COLGALT2: variants seen among roughly 807,000 people sequenced by gnomAD.
The protein encoded by COLGALT2 is collagen beta(1-O)galactosyltransferase 2.
Under a neutral mutation model 73.4 loss-of-function variants are expected in COLGALT2, and 49 were observed. The ratio of observed to expected loss-of-function variants is 0.67; its 90% CI spans 0.53 to 0.85. The LOEUF is 0.85. Among genes scored for constraint, COLGALT2 ranks in the 40% least tolerant of loss-of-function variants. COLGALT2 has a pLI of 0.00. For synonymous variants in COLGALT2, 295 were observed against 307.6 expected (o/e 0.96, Z 0.43); for missense variants, 722 against 790.2 (o/e 0.91, Z 1.03).
In COLGALT2 at chr1:183,936,230, A is replaced by G; in HGVS notation, c.*2531T>C. ...GCAAAGGTCAAATGTCAAAGGTCAA[A>G]TGTCTTGGCTTAGGACTATAAGGGA... On this transcript the variant is annotated 3_prime_UTR_variant, in exon 12 of 12. Coordinates refer to ENST00000361927, the MANE Select transcript of COLGALT2 (RefSeq NM_015101.4). 2 of 985,658 alleles carry G rather than the reference A, an allele frequency of 2.0e-6. No individual in the cohort carries two copies. The highest frequency in any genetic ancestry group is 4.7e-5 in the South Asian group (1 of 21,294). 61.1% of individuals were successfully genotyped at this position (985,658 alleles called of 1,614,324 possible). A position where few individuals can be genotyped will look rare whatever the true frequency, so the allele number is the denominator to read the frequency against.
intron 8 of COLGALT2, 191 bp from the exon 9 acceptor site, chr1:183,945,755 G>A (rs2102791820): frequency 1.6e-6 from 1 of 622,936 alleles, no homozygotes; most frequent in South Asian, 2.1e-5. Flanking sequence ...GGGAAGACAA[G>A]AGGGTATCAT....
rs75104731 is a variant in COLGALT2 at position 183,969,117 on chromosome 1, T to C, written c.832+152A>G. The C allele has an allele frequency of 7.1e-3, 4,020 of 566,950 alleles. 117 individuals are homozygous for C. The highest frequency in any genetic ancestry group is 0.067 in the African/African-American group (3,450 of 51,358). 35.1% of individuals were successfully genotyped at this position (566,950 alleles called of 1,614,324 possible). On this transcript the variant is annotated intron_variant, in intron 5 of 11. Coordinates refer to ENST00000361927, the MANE Select transcript of COLGALT2 (RefSeq NM_015101.4). ...ATTGGTGCTCCCAGGGACAGCAACA[T>C]AGAGGGTGCTGGTATGGTTATTGCA...
At chr1:184,011,754 A>G (rs1648805815) in intron 1 of COLGALT2, among the ~76,000 whole-genome samples, 1 of 152,184 alleles carries the variant, frequency 6.6e-6, no homozygotes, top group Non-Finnish European at 1.5e-5. Flanking sequence ...TGTAAACCCT[A>G]TATGTAAAAC....
intron 1 of COLGALT2, among the ~76,000 whole-genome samples, chr1:184,035,260 A>T (rs1649637020): frequency 6.6e-6 from 1 of 152,222 alleles, no homozygotes; most frequent in Admixed American, 6.5e-5. Context: ...AATTTTTGAA[A>T]TCATTTATTC....
intron 1 of COLGALT2, among the ~76,000 whole-genome samples, chr1:184,010,181 C>T (rs578088051): frequency 5.9e-5 from 9 of 152,254 alleles, no homozygotes; most frequent in East Asian, 3.9e-4. Flanking sequence ...CTACATACCC[C>T]GACTCAAGGT....
At chr1:184,013,229 T>G (rs1473752308) in intron 1 of COLGALT2, among the ~76,000 whole-genome samples, 1 of 152,088 alleles carries the variant, frequency 6.6e-6, no homozygotes, top group African/African-American at 2.4e-5. Context: ...GCAGGAGAAT[T>G]ACTTGAACCT....
At chr1:184,010,558 G>C (rs1672206875) in intron 1 of COLGALT2, among the ~76,000 whole-genome samples, 1 of 152,164 alleles carries the variant, frequency 6.6e-6, no homozygotes, top group South Asian at 2.1e-4. Flanking sequence ...GAAATGATGA[G>C]ATTTTTTTCC....
rs2102867152 is a variant in COLGALT2, at chr1:184,037,167, G to T, written c.191C>A (p.Ala64Glu). ...TVLVAVLARN[A>E]AHTLPHFLGC... The stretch of plus-strand genomic sequence containing the variant: ...GAGGAAGTGCGGCAGCGTGTGCGCC[G>T]CGTTGCGGGCGAGGACCGCCACGAG... Residue 64 changes from alanine (A) to glutamate (E), a missense_variant, in exon 1 of 12, where the codon GCG (alanine) becomes GAG (glutamate). Transcript: ENST00000361927. 1 of 1,603,448 alleles carries T rather than the reference G, an allele frequency of 6.2e-7. No homozygotes were observed.
intron 1 of COLGALT2, among the ~76,000 whole-genome samples, chr1:184,036,116 G>C (rs1375587810): frequency 6.6e-6 from 1 of 152,160 alleles, no homozygotes; most frequent in Non-Finnish European, 1.5e-5. Context: ...CAGGGGGCCA[G>C]AGTCTTCTTG....
At chr1:183,944,069 GA>G (rs1670183832) in intron 10 of COLGALT2, 126 bp downstream of exon 10, 1 of 1,142,844 alleles carries the variant, frequency 8.8e-7, no homozygotes, top group African/African-American at 1.6e-5. Flanking sequence ...AACATTTATG[GA>G]AAGAAAACTA....
At chr1:183,944,777 G>A (rs570068552) in intron 9 of COLGALT2, among the ~76,000 whole-genome samples, 32 of 152,212 alleles carry the variant, frequency 2.1e-4, no homozygotes, top group African/African-American at 7.7e-4. Context: ...AAATTTCCCT[G>A]AGCTGTATCT....
In COLGALT2 at chr1:184,037,660, A is replaced by G; in HGVS notation, c.-303T>C. 1 of 1,031,242 alleles carries G rather than the reference A, an allele frequency of 9.7e-7. No individual in the cohort carries two copies. The highest frequency in any genetic ancestry group is 1.2e-6 in the Non-Finnish European group (1 of 860,262). The allele number at this position is 1,031,242 out of a possible 1,614,324, so 63.9% of individuals were successfully genotyped here. On this transcript the variant is annotated 5_prime_UTR_variant, in exon 1 of 12. Coordinates refer to ENST00000361927, the MANE Select transcript of COLGALT2 (RefSeq NM_015101.4). ...GGGCTGTGTGCCCTGAGTCCTGAGG[A>G]AAGTTCCTCTAGTCCAGGTTCCGCT...
chr1:184,030,688 T>C (rs1649485510), intron 1 of COLGALT2, among the ~76,000 whole-genome samples: 1 of 152,140 alleles, frequency 6.6e-6, no homozygotes, highest in Non-Finnish European at 1.5e-5. Context: ...AGCACATGCT[T>C]ATGTATTTGG....
In COLGALT2 at chr1:183,954,779, T is replaced by G. The variant is rs1253714470; in HGVS notation, c.1012A>C (p.Lys338Gln). 6.2e-7 allele frequency: 1 copy of G among 1,612,960 alleles called. No homozygotes were observed. Among genetic ancestry groups the G allele is most frequent in the South Asian group, 1.1e-5 (1 of 91,072 alleles). Residue 338 changes from lysine to glutamine, a missense_variant, in exon 7 of 12, where the codon AAG (lysine) becomes CAG (glutamine). Transcript: ENST00000361927. ...YVSVVPKYPD[K>Q]MGFDEIFMIN... ...TTTCCTACCTCATCAAATCCCATCT[T>G]GTCTGGATATTTAGGGACAACTGAG...
intron 8 of COLGALT2, among the ~76,000 whole-genome samples, chr1:183,948,146 C>T (rs1467663841): frequency 6.6e-6 from 1 of 152,012 alleles, no homozygotes; most frequent in Non-Finnish European, 1.5e-5. Flanking sequence ...CTAGGGGTTT[C>T]TGCCAAATGT....
rs753250795 is a variant in COLGALT2, at chr1:183,954,720, C to T, written c.1029+42G>A. On this transcript the variant is annotated intron_variant, in intron 7 of 11. Transcript: ENST00000361927. ...GTTCCAAAATGAACACACAAGCCTG[C>T]ACACGCGTGCATGTGCACACACATA... is the stretch of plus-strand genomic sequence containing the variant. 11 of 1,460,642 alleles carry T rather than the reference C, an allele frequency of 7.5e-6. No homozygotes were observed. The African/African-American group carries it at 1.4e-4, about 19-fold the overall frequency. 90.5% of individuals were successfully genotyped at this position (1,460,642 alleles called of 1,614,324 possible).
At chr1:183,959,116 C>A (rs1278578102) in intron 6 of COLGALT2, among the ~76,000 whole-genome samples, 4 of 152,138 alleles carry the variant, frequency 2.6e-5, no homozygotes, top group Non-Finnish European at 5.9e-5. Context: ...TTTTCCTTGG[C>A]TTCTCAGCAG....
At chr1:184,018,799 C>G (rs767866000) in intron 1 of COLGALT2, among the ~76,000 whole-genome samples, 8 of 152,104 alleles carry the variant, frequency 5.3e-5, no homozygotes, top group Non-Finnish European at 1.2e-4. Flanking sequence ...CTGCAAGATT[C>G]TCCAGACAGC....
At chr1:183,980,502 A>C (rs1412392747) in intron 1 of COLGALT2, among the ~76,000 whole-genome samples, 1 of 152,144 alleles carries the variant, frequency 6.6e-6, no homozygotes, top group Non-Finnish European at 1.5e-5. Flanking sequence ...AGAAAAATGC[A>C]TGTTAGCAAA....
Sources: gnomAD v4.1 joint callset for allele counts (sites outside exome capture counted in the v4.1 genomes callset) on GRCh38, gnomAD v4.1.1 for gene constraint, MANE v1.5 for transcripts, NCBI Gene and HGNC (gene_info 2026-07-23, HGNC 2026-07-21) for gene names.